The following SNX29 variants were observed in gnomAD, a reference collection of about 807,000 sequenced individuals.
The protein encoded by SNX29 is sorting nexin 29, also known as sorting nexin-29.
A neutral mutation model predicts 102.1 loss-of-function variants in SNX29; 78 were observed. The observed-to-expected ratio is 0.76, with a 90% confidence interval of 0.64 to 0.92. SNX29 has a LOEUF of 0.92. Among genes scored for constraint, SNX29 ranks in the 40% least tolerant of loss-of-function variants. The probability of loss-of-function intolerance (pLI) is 0.00; values close to 1 mark genes in which losing one functional copy is unlikely to be tolerated. For missense variants in SNX29, 1,280 were observed against 1,061.7 expected, an observed-to-expected ratio of 1.21 and a Z score of -2.86; for synonymous variants, 580 against 414.5, an observed-to-expected ratio of 1.40 and a Z score of -4.85.
intron 11 of SNX29, among the ~76,000 whole-genome samples, chr16:12,113,387 C>T (rs2053572068): frequency 6.6e-6 from 1 of 152,082 alleles, no homozygotes; most frequent in African/African-American, 2.4e-5. Flanking sequence ...CTACATGGCT[C>T]CTGTGTTCTG....
At chr16:12,530,609 G>A (rs2076905964) in intron 20 of SNX29, among the ~76,000 whole-genome samples, 1 of 151,582 alleles carries the variant, frequency 6.6e-6, no homozygotes, top group South Asian at 2.1e-4. Context: ...AGGCTAGAGT[G>A]CAGTGGCGCA....
chr16:12,198,702 G>C (rs895848297), intron 13 of SNX29, among the ~76,000 whole-genome samples: 10 of 152,234 alleles, frequency 6.6e-5, no homozygotes, highest in Admixed American at 3.3e-4. Flanking sequence ...CCTGGGTTCA[G>C]ATCTTACCAG....
At chr16:12,256,557 A>C (rs1451669295) in intron 14 of SNX29, among the ~76,000 whole-genome samples, 3 of 152,026 alleles carry the variant, frequency 2.0e-5, no homozygotes, top group Admixed American at 1.3e-4. Flanking sequence ...TGAACTCCTG[A>C]CCTCAAGTGA....
chr16:12,180,282 G>T (rs1024627519), intron 13 of SNX29, among the ~76,000 whole-genome samples: 1 of 151,890 alleles, frequency 6.6e-6, no homozygotes, highest in Admixed American at 6.6e-5. Context: ...TTCTGAGTTT[G>T]GTTACCTCGC....
intron 15 of SNX29, among the ~76,000 whole-genome samples, chr16:12,292,587 C>G (rs144863861): frequency 6.6e-6 from 1 of 152,184 alleles, no homozygotes; most frequent in Non-Finnish European, 1.5e-5. Flanking sequence ...AGGTGCTCTT[C>G]TAGTTGATTG....
chr16:12,538,051 A>T (rs935760517), intron 20 of SNX29, among the ~76,000 whole-genome samples: 1 of 151,990 alleles, frequency 6.6e-6, no homozygotes, highest in Non-Finnish European at 1.5e-5. Flanking sequence ...CTAAAGTATA[A>T]TCGATCTTGG....
chr16:12,054,963 G>A (rs1181285771), intron 8 of SNX29, among the ~76,000 whole-genome samples: 2 of 152,044 alleles, frequency 1.3e-5, no homozygotes, highest in South Asian at 4.1e-4. Context: ...TTTTTCCTAC[G>A]AGTGAACTGT....
At chr16:12,531,519 G>A (rs953090385) in intron 20 of SNX29, among the ~76,000 whole-genome samples, 2 of 152,202 alleles carry the variant, frequency 1.3e-5, no homozygotes, top group African/African-American at 4.8e-5. Context: ...TGTCTCAGGT[G>A]TGCAGCACCA....
At chr16:12,321,469 C>G (rs2080928311) in intron 15 of SNX29, among the ~76,000 whole-genome samples, 1 of 152,178 alleles carries the variant, frequency 6.6e-6, no homozygotes, top group African/African-American at 2.4e-5. Flanking sequence ...TGACCTGTGT[C>G]AAGGGCATAT....
chr16:12,392,038 C>T (rs1242177508), intron 16 of SNX29, among the ~76,000 whole-genome samples: 1 of 152,204 alleles, frequency 6.6e-6, no homozygotes, highest in Non-Finnish European at 1.5e-5. Context: ...CAGGTTCTTA[C>T]GTGTCTTTAT....
intron 1 of SNX29, among the ~76,000 whole-genome samples, chr16:11,989,418 G>A (rs994721888): frequency 1.1e-4 from 17 of 152,176 alleles, no homozygotes; most frequent in Admixed American, 9.2e-4. Context: ...CAGACAGTCT[G>A]TCCTTTTGTC....
At chr16:12,351,782 G>A (rs747513237) in intron 15 of SNX29, among the ~76,000 whole-genome samples, 2 of 152,072 alleles carry the variant, frequency 1.3e-5, no homozygotes, top group Non-Finnish European at 2.9e-5. Context: ...TCACTTTCTT[G>A]GTGGTGCTTT....
intron 1 of SNX29, among the ~76,000 whole-genome samples, chr16:11,997,872 A>G (rs1332605055): frequency 6.6e-6 from 1 of 152,188 alleles, no homozygotes; most frequent in Non-Finnish European, 1.5e-5. Context: ...CACATACACT[A>G]GAAGTTAAAT....
At chr16:12,396,859 A>G (rs1342412528) in intron 16 of SNX29, among the ~76,000 whole-genome samples, 1 of 152,242 alleles carries the variant, frequency 6.6e-6, no homozygotes, top group African/African-American at 2.4e-5. Flanking sequence ...ATACGTCTTC[A>G]TTGTAGAAAG....
chr16:12,546,330 G>A (rs2077603094), intron 20 of SNX29: 1 of 152,254 alleles, frequency 6.6e-6, no homozygotes, highest in East Asian at 1.9e-4. Context: ...CAGAAAGAAG[G>A]TTTAATGGAC....
At chr16:12,410,305 T>A (rs1281521037) in intron 18 of SNX29, among the ~76,000 whole-genome samples, 1 of 152,112 alleles carries the variant, frequency 6.6e-6, no homozygotes, top group Non-Finnish European at 1.5e-5. Flanking sequence ...CGTTTTTTTC[T>A]TCTAGAATAA....
intron 13 of SNX29, among the ~76,000 whole-genome samples, chr16:12,195,726 T>G (rs933846791): frequency 4.0e-4 from 61 of 152,322 alleles, no homozygotes; most frequent in African/African-American, 1.4e-3. Context: ...TAGGAGACTT[T>G]GAAGTTAAAG....
intron 3 of SNX29, among the ~76,000 whole-genome samples, chr16:12,017,368 T>C (rs1486452762): frequency 1.3e-5 from 2 of 152,236 alleles, no homozygotes; most frequent in Non-Finnish European, 2.9e-5. Context: ...TGTGGTTGAT[T>C]TCTTCACCTT....
intron 13 of SNX29, among the ~76,000 whole-genome samples, chr16:12,145,653 A>G (rs990338008): frequency 6.6e-6 from 1 of 152,196 alleles, no homozygotes; most frequent in African/African-American, 2.4e-5. Context: ...TTATGCATAT[A>G]TGTATTTTAT....
Sources: allele counts gnomAD v4.1 joint callset (sites outside exome capture counted in the v4.1 genomes callset), GRCh38; gene constraint gnomAD v4.1.1; transcripts MANE v1.5; gene names NCBI Gene and HGNC (gene_info 2026-07-23, HGNC 2026-07-21).